The following RANBP2 variants were observed in gnomAD, a reference collection of about 807,000 sequenced individuals.
The protein encoded by RANBP2 is E3 SUMO-protein ligase RanBP2.
In RANBP2, 57 loss-of-function variants were observed where a neutral mutation model predicts 303.6. That is an observed-to-expected ratio of 0.19 (90% CI 0.15 to 0.23). The LOEUF (loss-of-function observed/expected upper bound fraction) is 0.23. RANBP2 is among the 10% of genes least tolerant of loss of function. The pLI is 1.00. For missense variants in RANBP2, 3,138 were observed against 3,780.8 expected (o/e 0.83, Z 4.46); for synonymous variants, 1,167 against 1,301.5 (o/e 0.90, Z 2.23).
the RANBP2 span, among the ~76,000 whole-genome samples, chr2:109,506,271 C>G: frequency 1.3e-5 from 2 of 152,182 alleles, no homozygotes; most frequent in South Asian, 4.2e-4. Flanking sequence ...GGTGGTGTAC[C>G]TGAACTGCGG....
At chr2:109,096,124 C>A in the RANBP2 span, among the ~76,000 whole-genome samples, 6 of 151,948 alleles carry the variant, frequency 3.9e-5, no homozygotes, top group African/African-American at 1.5e-4. Flanking sequence ...TGTTTTACAC[C>A]TCTGATATTT....
chr2:109,368,509 G>T, the RANBP2 span, among the ~76,000 whole-genome samples: 1 of 151,880 alleles, frequency 6.6e-6, no homozygotes. Context: ...GAAAGCCAAT[G>T]ATTTTTATGT....
the RANBP2 span, among the ~76,000 whole-genome samples, chr2:109,593,722 C>T: frequency 1.6e-4 from 25 of 151,972 alleles, no homozygotes; most frequent in Non-Finnish European, 2.9e-4. Flanking sequence ...TTTAAAGATA[C>T]TCTAAGAGCC....
the RANBP2 span, among the ~76,000 whole-genome samples, chr2:109,454,432 C>T: frequency 1.3e-5 from 2 of 152,188 alleles, no homozygotes; most frequent in Non-Finnish European, 2.9e-5. Context: ...AAGGCTTGAG[C>T]ACAGGCCATG....
At chr2:108,941,297 G>A in the RANBP2 span, among the ~76,000 whole-genome samples, 1 of 152,172 alleles carries the variant, frequency 6.6e-6, no homozygotes, top group South Asian at 2.1e-4. Flanking sequence ...CTGGGCCTGG[G>A]CAGTCCTGAC....
chr2:109,677,613 C>G, the RANBP2 span, among the ~76,000 whole-genome samples: 1 of 152,200 alleles, frequency 6.6e-6, no homozygotes, highest in Admixed American at 6.5e-5. Context: ...GTCCTCCAGC[C>G]AGGCTTTCTC....
the RANBP2 span, chr2:109,614,576 C>T: frequency 7.2e-7 from 1 of 1,392,240 alleles, no homozygotes; most frequent in Non-Finnish European, 9.3e-7. Context: ...GGGGCCGGGC[C>T]CTGCACGCCG....
chr2:108,857,035 C>A, the RANBP2 span: 1 of 419,828 alleles, frequency 2.4e-6, no homozygotes, highest in Non-Finnish European at 4.3e-6. Context: ...ATCTTGTCTG[C>A]ATGTATAACT....
chr2:109,163,987 C>T, the RANBP2 span, among the ~76,000 whole-genome samples: 3 of 152,176 alleles, frequency 2.0e-5, no homozygotes, highest in Admixed American at 2.0e-4. Flanking sequence ...CTTCCCCCTA[C>T]ATCCTCTCCA....
the RANBP2 span, chr2:109,129,929 G>A: frequency 1.3e-6 from 2 of 1,484,782 alleles, no homozygotes; most frequent in Non-Finnish European, 1.8e-6. Flanking sequence ...GCGGGCACCA[G>A]CCCCGGCGGC....
the RANBP2 span, among the ~76,000 whole-genome samples, chr2:108,904,440 A>G: frequency 6.6e-6 from 1 of 152,386 alleles, no homozygotes; most frequent in African/African-American, 2.4e-5. Context: ...CTATCATACA[A>G]CCCAACAAAT....
the RANBP2 span, among the ~76,000 whole-genome samples, chr2:108,829,521 G>A: frequency 1.3e-5 from 2 of 152,166 alleles, no homozygotes; most frequent in South Asian, 4.1e-4. Context: ...CAAGGCAGGC[G>A]GGTCACTTGA....
At chr2:109,160,328 C>T in the RANBP2 span, among the ~76,000 whole-genome samples, 1 of 152,186 alleles carries the variant, frequency 6.6e-6, no homozygotes, top group Non-Finnish European at 1.5e-5. Context: ...TGGGGTGCAG[C>T]CCATGCTTTG....
At chr2:108,965,103 A>ATGTG in the RANBP2 span, among the ~76,000 whole-genome samples, 2,405 of 152,150 alleles carry the variant, frequency 0.016, 60 homozygotes, top group African/African-American at 0.054. Flanking sequence ...GCACGCAAGC[A>ATGTG]TGTGTGTGTC....
chr2:108,998,593 C>G, the RANBP2 span, among the ~76,000 whole-genome samples: 8 of 152,188 alleles, frequency 5.3e-5, no homozygotes, highest in Non-Finnish European at 1.2e-4. Context: ...TTCTGACTTT[C>G]TCTTCCTCAA....
chr2:109,297,080 T>G, the RANBP2 span, among the ~76,000 whole-genome samples: 1 of 151,628 alleles, frequency 6.6e-6, no homozygotes, highest in African/African-American at 2.4e-5. Flanking sequence ...TTGGTCCAGG[T>G]GGGGGGTGAC....
the RANBP2 span, among the ~76,000 whole-genome samples, chr2:109,065,850 C>T: frequency 1.3e-5 from 2 of 152,190 alleles, no homozygotes; most frequent in African/African-American, 4.8e-5. Context: ...TTCCTGCAGG[C>T]AGAGGCAACA....
the RANBP2 span, among the ~76,000 whole-genome samples, chr2:109,288,837 T>C: frequency 5.3e-5 from 8 of 152,184 alleles, no homozygotes; most frequent in South Asian, 1.7e-3. Flanking sequence ...CTTCTGGAAA[T>C]CTTTATGCCC....
chr2:109,448,237 T>C, the RANBP2 span, among the ~76,000 whole-genome samples: 1 of 152,228 alleles, frequency 6.6e-6, no homozygotes, highest in Non-Finnish European at 1.5e-5. Flanking sequence ...GCTTTATGTT[T>C]ATGAGCATTT....
Sources: allele counts gnomAD v4.1 joint callset (sites outside exome capture counted in the v4.1 genomes callset), GRCh38; gene constraint gnomAD v4.1.1; transcripts MANE v1.5; gene names NCBI Gene and HGNC (gene_info 2026-07-23, HGNC 2026-07-21).